Variants in MCPH1 observed in about 807,000 individuals in gnomAD.
The protein encoded by MCPH1 is microcephalin.
In MCPH1, 104 loss-of-function variants were observed where a neutral mutation model predicts 84.5. That is an observed-to-expected ratio of 1.23 (90% CI 1.05 to 1.45). The LOEUF (loss-of-function observed/expected upper bound fraction) is 1.45. MCPH1 is among the 40% of genes most tolerant of loss of function. The probability of loss-of-function intolerance (pLI) is 0.00; values close to 1 mark genes in which losing one functional copy is unlikely to be tolerated. For missense variants in MCPH1, 1,498 were observed against 1,005.7 expected, an observed-to-expected ratio of 1.49 and a Z score of -6.62; for synonymous variants, 514 against 366.8, an observed-to-expected ratio of 1.40 and a Z score of -4.58.
chr8:6,524,226 G>A (rs2442617), intron 12 of MCPH1, among the ~76,000 whole-genome samples: 11,364 of 152,154 alleles, frequency 0.075, 514 homozygotes, highest in African/African-American at 0.12. Context: ...TAAGTCAGCT[G>A]TCTTATTTAA....
intron 12 of MCPH1, among the ~76,000 whole-genome samples, chr8:6,609,885 C>T (rs770185679): frequency 3.7e-4 from 54 of 144,160 alleles, no homozygotes; most frequent in Non-Finnish European, 6.1e-4. Flanking sequence ...GTCATGGTTG[C>T]CTTATTACAC....
intron 9 of MCPH1, among the ~76,000 whole-genome samples, chr8:6,459,320 G>C (rs1429157155): frequency 6.6e-6 from 1 of 152,088 alleles, no homozygotes; most frequent in East Asian, 1.9e-4. Context: ...GTGTCACCCA[G>C]GCTGGAGTGC....
At chr8:6,514,763 C>T in intron 12 of MCPH1, 1 of 1,614,056 alleles carries the variant, frequency 6.2e-7, no homozygotes, top group Non-Finnish European at 8.5e-7. Flanking sequence ...CCTCCAGCTT[C>T]CATGTCACAG....
chr8:6,449,632 TC>T (rs944698623), intron 8 of MCPH1, among the ~76,000 whole-genome samples: 1 of 150,318 alleles, frequency 6.7e-6, no homozygotes, highest in Non-Finnish European at 1.5e-5. Context: ...AAACTCCGTC[TC>T]AAAAAGAAAA....
At chr8:6,571,109 A>G (rs1285460700) in intron 12 of MCPH1, among the ~76,000 whole-genome samples, 1 of 152,096 alleles carries the variant, frequency 6.6e-6, no homozygotes, top group Non-Finnish European at 1.5e-5. Flanking sequence ...GGAATATTTT[A>G]TCTTCCCATC....
At chr8:6,640,105 C>CGCGTGT (rs1354819792) in intron 13 of MCPH1, among the ~76,000 whole-genome samples, 3 of 133,532 alleles carry the variant, frequency 2.2e-5, no homozygotes, top group African/African-American at 8.7e-5. Flanking sequence ...TGTGCGCGCG[C>CGCGTGT]GTGTGTGTGT....
intron 12 of MCPH1, among the ~76,000 whole-genome samples, chr8:6,547,037 A>ATC: frequency 6.6e-6 from 1 of 152,104 alleles, no homozygotes; most frequent in Admixed American, 6.5e-5. Flanking sequence ...TCAGAGCAAC[A>ATC]TGCACGTGTT....
chr8:6,532,297 C>T (rs376215741), intron 12 of MCPH1: 1 of 1,613,440 alleles, frequency 6.2e-7, no homozygotes. Flanking sequence ...TCTCTAGCTG[C>T]AGGGACACCG....
chr8:6,451,697 A>G (rs1484641618), intron 8 of MCPH1, among the ~76,000 whole-genome samples: 1 of 152,212 alleles, frequency 6.6e-6, no homozygotes, highest in African/African-American at 2.4e-5. Flanking sequence ...TATCTCTGGA[A>G]AGGAATTTTT....
At chr8:6,553,226 C>G (rs1823975704) in intron 12 of MCPH1, among the ~76,000 whole-genome samples, 1 of 152,140 alleles carries the variant, frequency 6.6e-6, no homozygotes, top group Non-Finnish European at 1.5e-5. Context: ...ACTCTCTGCA[C>G]TTTACTCTCG....
intron 9 of MCPH1, among the ~76,000 whole-genome samples, chr8:6,461,568 G>T (rs533828711): frequency 6.6e-6 from 1 of 151,372 alleles, no homozygotes; most frequent in South Asian, 2.1e-4. Context: ...TTGAACTCCT[G>T]ACCTCAAGTG....
At chr8:6,503,858 C>A (rs1586166061) in intron 12 of MCPH1, among the ~76,000 whole-genome samples, 1 of 152,254 alleles carries the variant, frequency 6.6e-6, no homozygotes, top group South Asian at 2.1e-4. Flanking sequence ...GAGTGAAGCC[C>A]CATCTGCACC....
intron 11 of MCPH1, among the ~76,000 whole-genome samples, chr8:6,493,047 A>T (rs1233736057): frequency 6.6e-6 from 1 of 152,196 alleles, no homozygotes; most frequent in African/African-American, 2.4e-5. Context: ...CTGTGTTTTC[A>T]TACAGTGAAG....
chr8:6,445,640 A>C, intron 8 of MCPH1, 93 bp downstream of exon 8: 1 of 1,483,736 alleles, frequency 6.7e-7, no homozygotes. Context: ...TTCATAACTT[A>C]TTTCCCCATT....
chr8:6,623,560 C>T (rs1028972364), intron 13 of MCPH1, among the ~76,000 whole-genome samples: 3 of 151,978 alleles, frequency 2.0e-5, no homozygotes, highest in Non-Finnish European at 2.9e-5. Flanking sequence ...TATCTAACTA[C>T]GGACATTTTA....
intron 12 of MCPH1, among the ~76,000 whole-genome samples, chr8:6,610,376 G>C (rs575952252): frequency 6.6e-6 from 1 of 152,312 alleles, no homozygotes; most frequent in South Asian, 2.1e-4. Flanking sequence ...CATGTTGTTG[G>C]CTACTGATTA....
At chr8:6,467,467 T>C (rs1807125152) in intron 9 of MCPH1, among the ~76,000 whole-genome samples, 1 of 152,236 alleles carries the variant, frequency 6.6e-6, no homozygotes, top group Non-Finnish European at 1.5e-5. Context: ...GTGTCTTTTG[T>C]CCTTTTTTTG....
chr8:6,552,805 G>A (rs1823886687), intron 12 of MCPH1, among the ~76,000 whole-genome samples: 1 of 146,000 alleles, frequency 6.8e-6, no homozygotes, highest in Non-Finnish European at 1.5e-5. Context: ...TTGTTCTACA[G>A]TTATTCCTGC....
At chr8:6,437,642 C>T (rs534955250) in intron 5 of MCPH1, among the ~76,000 whole-genome samples, 1 of 152,202 alleles carries the variant, frequency 6.6e-6, no homozygotes, top group Non-Finnish European at 1.5e-5. Flanking sequence ...TTGTTTCATG[C>T]TCAGCCCTCC....
Sources: allele counts gnomAD v4.1 joint callset (sites outside exome capture counted in the v4.1 genomes callset), GRCh38; gene constraint gnomAD v4.1.1; transcripts MANE v1.5; gene names NCBI Gene and HGNC (gene_info 2026-07-23, HGNC 2026-07-21).